Variants in ARHGAP17 observed in about 807,000 individuals in gnomAD.
The protein encoded by ARHGAP17 is rho GTPase-activating protein 17.
In ARHGAP17, 57 loss-of-function variants were observed where a neutral mutation model predicts 99.5. The ratio of observed to expected loss-of-function variants is 0.57; its 90% CI spans 0.46 to 0.71. The LOEUF (loss-of-function observed/expected upper bound fraction) is 0.71, where lower values mean the gene tolerates loss of function less well. Among genes scored for constraint, ARHGAP17 ranks in the 30% least tolerant of loss-of-function variants. ARHGAP17 has a pLI of 0.00. For missense variants in ARHGAP17, 1,000 were observed against 1,122.4 expected (o/e 0.89, Z 1.56); for synonymous variants, 417 against 429.6 (o/e 0.97, Z 0.36).
chr16:24,970,451 C>G, intron 4 of ARHGAP17, 56 bp downstream of exon 4: 1 of 1,540,564 alleles, frequency 6.5e-7, no homozygotes, highest in Non-Finnish European at 9.0e-7. Flanking sequence ...CCACCTGGCC[C>G]AGCCACTTCC....
intron 18 of ARHGAP17, among the ~76,000 whole-genome samples, chr16:24,932,467 A>G (rs991043475): frequency 5.9e-5 from 9 of 152,230 alleles, no homozygotes; most frequent in Admixed American, 2.0e-4. Context: ...AGACGCAGAA[A>G]GAGGCAGAAC....
intron 1 of ARHGAP17, among the ~76,000 whole-genome samples, chr16:24,990,907 G>C (rs1008287776): frequency 6.6e-6 from 1 of 151,984 alleles, no homozygotes; most frequent in African/African-American, 2.4e-5. Context: ...AAGGGTAGCA[G>C]CCATAATGCA....
chr16:24,958,286 T>C (rs1306006098), intron 9 of ARHGAP17, among the ~76,000 whole-genome samples: 1 of 152,230 alleles, frequency 6.6e-6, no homozygotes, highest in Non-Finnish European at 1.5e-5. Context: ...CTCTCGTTTT[T>C]CCTCTTGTTA....
At chr16:24,945,180 A>G (rs1008461063) in intron 14 of ARHGAP17, among the ~76,000 whole-genome samples, 1 of 151,842 alleles carries the variant, frequency 6.6e-6, no homozygotes, top group Non-Finnish European at 1.5e-5. Context: ...AAAATTGGCC[A>G]GGTGTGGTGG....
chr16:24,965,963 A>T (rs1434036094), intron 6 of ARHGAP17, among the ~76,000 whole-genome samples: 1 of 152,214 alleles, frequency 6.6e-6, no homozygotes, highest in Non-Finnish European at 1.5e-5. Context: ...TCCAACACCT[A>T]TTGTGATTAA....
At chr16:24,983,171 A>G (rs1191263102) in intron 1 of ARHGAP17, among the ~76,000 whole-genome samples, 1 of 150,692 alleles carries the variant, frequency 6.6e-6, no homozygotes, top group Middle Eastern at 3.4e-3. Flanking sequence ...CGCTCAGCTA[A>G]TTTTTCTATT....
intron 3 of ARHGAP17, among the ~76,000 whole-genome samples, chr16:24,973,618 C>A (rs1286467592): frequency 6.6e-6 from 1 of 152,220 alleles, no homozygotes; most frequent in African/African-American, 2.4e-5. Flanking sequence ...AGGGCAGACA[C>A]CACCTCCTCC....
intron 16 of ARHGAP17, among the ~76,000 whole-genome samples, chr16:24,941,105 G>A (rs996225240): frequency 6.6e-6 from 1 of 152,088 alleles, no homozygotes; most frequent in African/African-American, 2.4e-5. Context: ...GACAGAATAG[G>A]GACAGAATAA....
intron 3 of ARHGAP17, among the ~76,000 whole-genome samples, chr16:24,972,089 CT>C (rs1462949193): frequency 1.3e-5 from 2 of 152,256 alleles, no homozygotes; most frequent in Non-Finnish European, 2.9e-5. Context: ...GGGTCCACCC[CT>C]GACATGTCAC....
intron 1 of ARHGAP17, among the ~76,000 whole-genome samples, chr16:24,998,629 A>C (rs1291699225): frequency 6.6e-6 from 1 of 152,226 alleles, no homozygotes. Flanking sequence ...AAACTAAGCC[A>C]AGCGCTGGAC....
rs1458390725 is a variant in ARHGAP17 at position 24,959,907 on chromosome 16, T to C, written c.642+4A>G. ...TTAACATTTTCTCAAGGGAAGGTGC[T>C]TACCGTAACAAAGAATTTGCCATAC... On this transcript the variant is annotated splice_donor_region_variant and intron_variant, in intron 8 of 19. Transcript: ENST00000289968. 1.2e-6 allele frequency: 2 copies of C among 1,613,910 alleles called. No individual in the cohort carries two copies. Among genetic ancestry groups the C allele is most frequent in the South Asian group, 1.1e-5 (1 of 91,040 alleles).
At chr16:24,993,114 G>A (rs1449111638) in intron 1 of ARHGAP17, among the ~76,000 whole-genome samples, 4 of 152,108 alleles carry the variant, frequency 2.6e-5, no homozygotes, top group Non-Finnish European at 4.4e-5. Flanking sequence ...TTGTAGGCAT[G>A]AGCCACTGTG....
At chr16:24,962,541 C>T (rs770677959) in intron 7 of ARHGAP17, among the ~76,000 whole-genome samples, 1 of 152,152 alleles carries the variant, frequency 6.6e-6, no homozygotes, top group South Asian at 2.1e-4. Context: ...AAACCCCAAA[C>T]TGATTTAAGT....
intron 1 of ARHGAP17, among the ~76,000 whole-genome samples, chr16:24,984,430 G>A (rs1404716256): frequency 2.6e-5 from 4 of 152,162 alleles, no homozygotes; most frequent in African/African-American, 9.7e-5. Flanking sequence ...AGTTTGGGAA[G>A]CCAAGGCAGG....
chr16:24,985,024 A>C (rs1702497842), intron 1 of ARHGAP17, among the ~76,000 whole-genome samples: 1 of 152,104 alleles, frequency 6.6e-6, no homozygotes, highest in Admixed American at 6.5e-5. Flanking sequence ...TATCCTTCCC[A>C]ATTTGTTTTC....
chr16:24,942,621 A>G (rs1597381680), intron 15 of ARHGAP17, among the ~76,000 whole-genome samples: 2 of 151,728 alleles, frequency 1.3e-5, no homozygotes, highest in East Asian at 3.9e-4. Flanking sequence ...ACAAAAAATT[A>G]GCTGGGCATG....
At chr16:24,976,317 A>G (rs193086010) in intron 3 of ARHGAP17, among the ~76,000 whole-genome samples, 15 of 152,332 alleles carry the variant, frequency 9.8e-5, no homozygotes, top group African/African-American at 3.4e-4. Context: ...GCTTGAGGCC[A>G]GGAGTTCTAC....
chr16:24,970,634 A>G, intron 3 of ARHGAP17, 54 bp from the exon 4 acceptor site: 2 of 1,490,786 alleles, frequency 1.3e-6, no homozygotes, highest in East Asian at 2.3e-5. Context: ...CCCATTCTCA[A>G]TGATCTTTTT....
Position 24,954,700 on chromosome 16 carries a change from G to T in ARHGAP17, c.755C>A (p.Thr252Asn). 6.2e-7 allele frequency: 1 copy of T among 1,613,982 alleles called. No homozygotes were observed. Among genetic ancestry groups the T allele is most frequent in the Non-Finnish European group, 8.5e-7 (1 of 1,179,924 alleles). The change falls in exon 10 of 20, where the codon ACT becomes AAT. Residue 252 changes from threonine (T) to asparagine (N), a missense_variant. Transcript: ENST00000289968. Reference sequence around the variant, plus strand: ...CCTCTTCAGGTGTTCTTCTAGGGGAGTCCCAAAGGCTGGTTTTTCCGCCCA... The same window carrying T: ...CCTCTTCAGGTGTTCTTCTAGGGGATTCCCAAAGGCTGGTTTTTCCGCCCA... ...DKWAEKPAFG[T>N]PLEEHLKRSG...
Sources: allele counts gnomAD v4.1 joint callset (sites outside exome capture counted in the v4.1 genomes callset), GRCh38; gene constraint gnomAD v4.1.1; transcripts MANE v1.5; gene names NCBI Gene and HGNC (gene_info 2026-07-23, HGNC 2026-07-21).